PPP2R3A: variants seen among roughly 807,000 people sequenced by gnomAD.
PPP2R3A encodes serine/threonine-protein phosphatase 2A regulatory subunit B'' subunit alpha.
Under a neutral mutation model 106.9 loss-of-function variants are expected in PPP2R3A, and 80 were observed. That is an observed-to-expected ratio of 0.75 (90% CI 0.62 to 0.90). The LOEUF (loss-of-function observed/expected upper bound fraction) is 0.90, where lower values mean the gene tolerates loss of function less well. Among genes scored for constraint, PPP2R3A ranks in the 40% least tolerant of loss-of-function variants. The pLI, the probability that PPP2R3A is intolerant of heterozygous loss-of-function variation, is 0.00. For missense variants in PPP2R3A, 1,386 were observed against 1,350.4 expected (o/e 1.03, Z -0.41); for synonymous variants, 483 against 468.3 (o/e 1.03, Z -0.41).
rs1019856139 is a variant in PPP2R3A, at chr3:136,028,030, G to T, written c.2262+932G>T. On this transcript the variant is annotated intron_variant, in intron 3 of 13. Transcript: ENST00000264977. ...TTCCTGGCATTCCATGGCTTCCACA[G>T]CCTGGCCCCAGAGTTTCTTTCCAAA... Among the ~76,000 whole-genome samples, 5 of 152,180 alleles carry T rather than the reference G, an allele frequency of 3.3e-5. No homozygotes were observed. In the East Asian group the frequency reaches 9.6e-4, roughly 29 times the overall value.
intron 2 of PPP2R3A, among the ~76,000 whole-genome samples, chr3:136,023,811 C>T (rs1287992286): frequency 6.6e-6 from 1 of 152,012 alleles, no homozygotes. Flanking sequence ...TGAGTCATTT[C>T]TGCCTATGAT....
intron 13 of PPP2R3A, among the ~76,000 whole-genome samples, chr3:136,136,068 AAAAAATTATATATAT>A (rs796161089): frequency 3.1e-5 from 1 of 32,298 alleles, no homozygotes; most frequent in Admixed American, 4.7e-4. Flanking sequence ...AAAAAAAAAA[AAAAAATTATATATAT>A]ATATATATAT....
At chr3:136,069,345 G>A (rs925768722) in intron 5 of PPP2R3A, among the ~76,000 whole-genome samples, 8 of 152,146 alleles carry the variant, frequency 5.3e-5, no homozygotes, top group African/African-American at 1.9e-4. Context: ...GGGAGGCCTA[G>A]GGGAGTGGAT....
intron 5 of PPP2R3A, among the ~76,000 whole-genome samples, chr3:136,053,891 C>G (rs1310178545): frequency 6.6e-6 from 1 of 151,964 alleles, no homozygotes; most frequent in African/African-American, 2.4e-5. Context: ...TATCAACTAC[C>G]TTGTCCTTCT....
rs548587709 is a variant in PPP2R3A, at chr3:136,084,523, A to C, written c.2788+2102A>C. ...AGGGAAATGTGGGGTTGAAGCCCCC[A>C]CAGAGTCCCTACTGGGACACTGCCT... is the stretch of plus-strand genomic sequence containing the variant. On this transcript the variant is annotated intron_variant, in intron 8 of 13. Coordinates refer to ENST00000264977, the MANE Select transcript of PPP2R3A (RefSeq NM_002718.5). Among the ~76,000 whole-genome samples the C allele has an allele frequency of 1.5e-4, 23 of 152,354 alleles. 1 individual carries two copies. The East Asian group carries it at 3.5e-3, about 23-fold the overall frequency.
intron 8 of PPP2R3A, among the ~76,000 whole-genome samples, chr3:136,083,327 C>T (rs535872124): frequency 6.6e-6 from 1 of 152,242 alleles, no homozygotes; most frequent in East Asian, 1.9e-4. Flanking sequence ...GGGTCTTTCC[C>T]ATGTAGTTCT....
intron 5 of PPP2R3A, among the ~76,000 whole-genome samples, chr3:136,059,839 G>A (rs1305005651): frequency 6.6e-6 from 1 of 152,212 alleles, no homozygotes; most frequent in Non-Finnish European, 1.5e-5. Flanking sequence ...GTACATGGAT[G>A]GAGCTGGAGG....
intron 13 of PPP2R3A, among the ~76,000 whole-genome samples, chr3:136,144,278 T>G (rs1939007399): frequency 6.6e-6 from 1 of 152,184 alleles, no homozygotes; most frequent in South Asian, 2.1e-4. Context: ...ATAAATGCAC[T>G]TTAGTCAGTT....
intron 10 of PPP2R3A, among the ~76,000 whole-genome samples, chr3:136,093,061 C>A (rs781507400): frequency 6.6e-6 from 1 of 152,172 alleles, no homozygotes; most frequent in Non-Finnish European, 1.5e-5. Flanking sequence ...TTAGATGTGA[C>A]ACCAAAAGCA....
chr3:136,120,451 G>C (rs1388476500), intron 13 of PPP2R3A, among the ~76,000 whole-genome samples: 1 of 152,022 alleles, frequency 6.6e-6, no homozygotes, highest in African/African-American at 2.4e-5. Flanking sequence ...AGCCGGGCAG[G>C]GTGGTGTGCG....
chr3:136,070,277 G>T (rs1936384782), intron 5 of PPP2R3A, among the ~76,000 whole-genome samples: 1 of 152,078 alleles, frequency 6.6e-6, no homozygotes, highest in African/African-American at 2.4e-5. Flanking sequence ...AACTTTTTTT[G>T]AAGTATGCTG....
chr3:136,138,730 T>TTTTTTA (rs1938730181), intron 13 of PPP2R3A, among the ~76,000 whole-genome samples: 2 of 107,220 alleles, frequency 1.9e-5, no homozygotes, highest in East Asian at 2.4e-4. Context: ...TTTTTTTTTT[T>TTTTTTA]GAGACAGTTT....
chr3:136,032,263 T>TTTTG (rs75455566), intron 3 of PPP2R3A, among the ~76,000 whole-genome samples: 6 of 152,132 alleles, frequency 3.9e-5, no homozygotes, highest in Admixed American at 6.5e-5. Context: ...TAAGTATGTT[T>TTTTG]TTTGTTTGTT....
At chr3:136,039,703 G>A (rs142417785) in intron 3 of PPP2R3A, among the ~76,000 whole-genome samples, 167 of 152,198 alleles carry the variant, frequency 1.1e-3, no homozygotes, top group African/African-American at 3.6e-3. Context: ...AACAGGCCAC[G>A]GACTGTTACC....
intron 13 of PPP2R3A, among the ~76,000 whole-genome samples, chr3:136,122,438 T>G (rs1938031726): frequency 6.6e-6 from 1 of 152,188 alleles, no homozygotes; most frequent in African/African-American, 2.4e-5. Flanking sequence ...ACAGTCAGCC[T>G]TGCAAAAACC....
intron 12 of PPP2R3A, among the ~76,000 whole-genome samples, chr3:136,104,865 A>G (rs1472346697): frequency 6.6e-6 from 1 of 152,228 alleles, no homozygotes; most frequent in East Asian, 1.9e-4. Context: ...GAAAATTCAC[A>G]AAAGTGTGTG....
At chr3:135,967,834 C>A (rs1350443853) in intron 1 of PPP2R3A, among the ~76,000 whole-genome samples, 2 of 152,164 alleles carry the variant, frequency 1.3e-5, no homozygotes, top group African/African-American at 2.4e-5. Context: ...ATTTGTAGTT[C>A]TGTTGACATT....
rs1201516985 is a variant in PPP2R3A, at chr3:136,002,199, ACAT to A, written c.703_705del (p.Ile235del). ...GGGACAGACATAAAGATGTGCTTGGACATCTTATTGAAATGCTCCGAGGATTTA... is the reference window on the plus strand; with the variant it reads ...GGGACAGACATAAAGATGTGCTTGGACTTATTGAAATGCTCCGAGGATTTA... On this transcript the variant is annotated inframe_deletion, in exon 2 of 14. Coordinates refer to ENST00000264977, the MANE Select transcript of PPP2R3A (RefSeq NM_002718.5). The A allele has an allele frequency of 1.9e-6, 3 of 1,613,518 alleles. No homozygotes were observed. Among genetic ancestry groups the A allele is most frequent in the Non-Finnish European group, 2.5e-6 (3 of 1,179,816 alleles).
At chr3:136,072,181 T>C (rs1936454701) in intron 6 of PPP2R3A, among the ~76,000 whole-genome samples, 1 of 152,234 alleles carries the variant, frequency 6.6e-6, no homozygotes, top group Non-Finnish European at 1.5e-5. Context: ...TCTCCGTCTC[T>C]ATAATATAAG....
Sources: gnomAD v4.1 joint callset for allele counts (sites outside exome capture counted in the v4.1 genomes callset) on GRCh38, gnomAD v4.1.1 for gene constraint, MANE v1.5 for transcripts, NCBI Gene and HGNC (gene_info 2026-07-23, HGNC 2026-07-21) for gene names.